The following BTAF1 variants were observed in gnomAD, a reference collection of about 807,000 sequenced individuals.
The protein encoded by BTAF1 is TATA-binding protein-associated factor 172.
In BTAF1, 38 loss-of-function variants were observed where a neutral mutation model predicts 227.1. The observed-to-expected ratio is 0.17, with a 90% confidence interval of 0.13 to 0.22. The LOEUF (loss-of-function observed/expected upper bound fraction) is 0.22, where lower values mean the gene tolerates loss of function less well. BTAF1 is among the 10% of genes least tolerant of loss of function. The probability of loss-of-function intolerance (pLI) is 1.00; values close to 1 mark genes in which losing one functional copy is unlikely to be tolerated. For synonymous variants in BTAF1, 742 were observed against 751.9 expected (o/e 0.99, Z 0.21); for missense variants, 1,598 against 2,204.0 (o/e 0.73, Z 5.51).
At chr10:91,971,553 A>G (rs1230291842) in intron 14 of BTAF1, among the ~76,000 whole-genome samples, 1 of 149,290 alleles carries the variant, frequency 6.7e-6, no homozygotes, top group Admixed American at 6.8e-5. Context: ...GCTCCCTGCA[A>G]CCGCTGCCTC....
In BTAF1 at chr10:91,984,969, T is replaced by C. The variant is rs139983607; in HGVS notation, c.2427+565T>C. Among the ~76,000 whole-genome samples, 20 of 152,280 alleles carry C rather than the reference T, an allele frequency of 1.3e-4. 1 individual carries two copies. The highest frequency in any genetic ancestry group is 4.8e-4 in the African/African-American group (20 of 41,578). On this transcript the variant is annotated intron_variant, in intron 19 of 37. Transcript: ENST00000265990. ...TACTTCAGGATTTTATATAATTAACTAAAATTCAGTATTTGTTTATTTTTT... is the reference window on the plus strand; with the variant it reads ...TACTTCAGGATTTTATATAATTAACCAAAATTCAGTATTTGTTTATTTTTT...
At chr10:91,999,062 CAAAAAAA>C (rs34831539) in intron 25 of BTAF1, among the ~76,000 whole-genome samples, 21 of 115,360 alleles carry the variant, frequency 1.8e-4, no homozygotes, top group South Asian at 7.7e-4. Context: ...GACTTCCTTT[CAAAAAAA>C]AAAAAAAAAA....
chr10:91,954,258 G>A (rs1845943634), intron 6 of BTAF1, among the ~76,000 whole-genome samples: 1 of 152,120 alleles, frequency 6.6e-6, no homozygotes. Context: ...AATCAGAGAG[G>A]TGTCTAAGGA....
chr10:91,953,984 T>C (rs924730764), intron 6 of BTAF1, 111 bp downstream of exon 6: 13 of 1,417,158 alleles, frequency 9.2e-6, no homozygotes, highest in Non-Finnish European at 1.2e-5. Context: ...TGGGGAGTAC[T>C]GTTTGGATTC....
chr10:91,978,857 G>A (rs1847888528), intron 14 of BTAF1, among the ~76,000 whole-genome samples: 1 of 125,784 alleles, frequency 8.0e-6, no homozygotes, highest in African/African-American at 2.8e-5. Context: ...TTAGGTTCAT[G>A]GGTACATGTA....
At chr10:91,927,777 A>C (rs1843956572) in intron 1 of BTAF1, among the ~76,000 whole-genome samples, 1 of 152,174 alleles carries the variant, frequency 6.6e-6, no homozygotes, top group Non-Finnish European at 1.5e-5. Flanking sequence ...ACATATACTA[A>C]TTTGTTTTTT....
intron 4 of BTAF1, among the ~76,000 whole-genome samples, chr10:91,950,947 C>T (rs1845733955): frequency 6.6e-6 from 1 of 150,750 alleles, no homozygotes; most frequent in Non-Finnish European, 1.5e-5. Flanking sequence ...CTCTCGCCTT[C>T]AGCCCCTGGA....
chr10:91,992,196 A>C lies in BTAF1; in HGVS notation c.2932A>C (p.Lys978Gln). 1 of 1,614,070 alleles carries C rather than the reference A, an allele frequency of 6.2e-7. No homozygotes were observed. Among genetic ancestry groups the C allele is most frequent in the Non-Finnish European group, 8.5e-7 (1 of 1,179,968 alleles). Residue 978 changes from lysine (K) to glutamine (Q), a missense_variant, in exon 21 of 38, where the codon AAA (lysine) becomes CAA (glutamine). Physicochemically the swap from Lys to Gln is moderately conservative, Grantham distance 53 (BLOSUM62 1). Coordinates refer to ENST00000265990, the MANE Select transcript of BTAF1 (RefSeq NM_003972.3). ...TATAATTACACTCTACAGGCACCAGAAAGCTGCCTTTGCTATCACAAGTAG... is the reference window on the plus strand; with the variant it reads ...TATAATTACACTCTACAGGCACCAGCAAGCTGCCTTTGCTATCACAAGTAG... ...RGIITLYRHQKAAFAITSRRG... is the reference protein window; with the variant it reads ...RGIITLYRHQQAAFAITSRRG...
At chr10:91,953,459 C>T (rs926595475) in intron 5 of BTAF1, among the ~76,000 whole-genome samples, 1 of 151,874 alleles carries the variant, frequency 6.6e-6, no homozygotes, top group African/African-American at 2.4e-5. Flanking sequence ...AAGGCCTTCT[C>T]TATGGGTTAG....
At chr10:91,991,797 G>GTATATATATATATATATATATATA (rs1166615338) in intron 20 of BTAF1, among the ~76,000 whole-genome samples, 3 of 10,004 alleles carry the variant, frequency 3.0e-4, no homozygotes, top group African/African-American at 5.5e-4. Flanking sequence ...GTGTGTGTGT[G>GTATATATATATATATATATATATA]TATATATATA....
intron 34 of BTAF1, 24 bp from the exon 35 acceptor site, chr10:92,024,732 G>T (rs1851366781): frequency 1.6e-6 from 2 of 1,267,282 alleles, no homozygotes; most frequent in East Asian, 2.5e-5. Context: ...CGCTTATGTA[G>T]TTTTTTTTTT....
Position 92,013,683 on chromosome 10 carries a change from T to G in BTAF1, c.4328T>G (p.Leu1443Arg). 1 of 1,614,098 alleles carries G rather than the reference T, an allele frequency of 6.2e-7. No individual in the cohort carries two copies. The highest frequency in any genetic ancestry group is 8.5e-7 in the Non-Finnish European group (1 of 1,180,020). Reference protein sequence around the residue: ...GTPIQNNVLELWSLFDFLMPG... With the variant: ...GTPIQNNVLERWSLFDFLMPG... ...TGTTTACAGAACAACGTTTTGGAGC[T>G]GTGGTCATTATTTGATTTCCTCATG... The change falls in exon 31 of 38, where the codon CTG (leucine) becomes CGG (arginine). Residue 1443 changes from leucine (L) to arginine (R), a missense_variant. Transcript: ENST00000265990.
chr10:92,008,933 A>G lies in BTAF1; in HGVS notation c.3918A>G (p.Ala1306=). Residue 1306 remains alanine, a synonymous_variant, in exon 27 of 38, where the codon GCA becomes GCG. Transcript: ENST00000265990. ...CTTTACAGTCCATCTGCATTCTAGC[A>G]GGAGATCATTGTCATAGGTAATTTA... ...GKTLQSICIL[A]GDHCHRAQEY... The G allele has an allele frequency of 6.2e-7, 1 of 1,613,772 alleles. No individual in the cohort carries two copies. Among genetic ancestry groups the G allele is most frequent in the Non-Finnish European group, 8.5e-7 (1 of 1,179,886 alleles).
At chr10:91,998,127 C>CAAAAAAAAA (rs55642022) in intron 25 of BTAF1, among the ~76,000 whole-genome samples, 1 of 99,398 alleles carries the variant, frequency 1.0e-5, no homozygotes, top group African/African-American at 3.6e-5. Context: ...GACTCCATCT[C>CAAAAAAAAA]AAAAAAAAAA....
Position 91,923,934 on chromosome 10 carries a change from C to T in BTAF1, c.-143C>T. 2.9e-6 allele frequency: 3 copies of T among 1,042,782 alleles called. No homozygotes were observed. Among genetic ancestry groups the T allele is most frequent in the South Asian group, 4.0e-5 (2 of 49,860 alleles). 64.6% of individuals were successfully genotyped at this position (1,042,782 alleles called of 1,614,324 possible). On this transcript the variant is annotated 5_prime_UTR_variant, in exon 1 of 38. Coordinates refer to ENST00000265990, the MANE Select transcript of BTAF1 (RefSeq NM_003972.3). ...AGGCGGCAGGGCAGATGCCCGAGGG[C>T]CTGCGCTGGAACGCCCCACGCCGCA... is the stretch of plus-strand genomic sequence containing the variant.
chr10:91,961,039 A>G (rs903743950), intron 11 of BTAF1, among the ~76,000 whole-genome samples: 4 of 152,214 alleles, frequency 2.6e-5, no homozygotes, highest in Non-Finnish European at 5.9e-5. Context: ...ATGAGATGCC[A>G]GTAAAACATC....
At position 92,013,689 on chromosome 10, in the gene BTAF1, C is replaced by A; in HGVS notation, c.4334C>A (p.Ser1445Ter). Residue 1445 changes from serine (S) to a stop codon, truncating the protein, a stop_gained, in exon 31 of 38, where the codon TCA (serine) becomes TAA (stop). Transcript: ENST00000265990. LOFTEE classifies it high-confidence loss of function. The part of the protein sequence containing the change: ...PIQNNVLELW[S>*]LFDFLMPGFL... ...CAGAACAACGTTTTGGAGCTGTGGT[C>A]ATTATTTGATTTCCTCATGCCAGGA... 1 of 1,613,954 alleles carries A rather than the reference C, an allele frequency of 6.2e-7. No homozygotes were observed. Among genetic ancestry groups the A allele is most frequent in the South Asian group, 1.1e-5 (1 of 91,024 alleles).
rs2134204045 is a variant in BTAF1, at chr10:92,030,518, G to C, written c.*1585G>C. ...TTCCATAAACCAGCTCTTTAACATA[G>C]CTTATAGTAATTGATATTTTCTTAG... On this transcript the variant is annotated 3_prime_UTR_variant, in exon 38 of 38. Coordinates refer to ENST00000265990, the MANE Select transcript of BTAF1 (RefSeq NM_003972.3). Among the ~76,000 whole-genome samples, 1 of 152,022 alleles carries C rather than the reference G, an allele frequency of 6.6e-6. No individual in the cohort carries two copies. Among genetic ancestry groups the C allele is most frequent in the East Asian group, 1.9e-4 (1 of 5,178 alleles).
At position 91,997,175 on chromosome 10, in the gene BTAF1, C is replaced by G. The variant is rs532583603; in HGVS notation, c.3512-428C>G. On this transcript the variant is annotated intron_variant, in intron 24 of 37. Coordinates refer to ENST00000265990, the MANE Select transcript of BTAF1 (RefSeq NM_003972.3). ...TTACAGGAGAACTGCGCTTACTAGGCTCACTATATCCTGCTGGTGATTGTC... is the reference window on the plus strand; with the variant it reads ...TTACAGGAGAACTGCGCTTACTAGGGTCACTATATCCTGCTGGTGATTGTC... 2.3e-5 allele frequency: 30 copies of G among 1,282,034 alleles called. No homozygotes were observed. In the African/African-American group the frequency reaches 4.1e-4, roughly 18 times the overall value. 79.4% of individuals were successfully genotyped at this position (1,282,034 alleles called of 1,614,324 possible).
Sources: gnomAD v4.1 joint callset for allele counts (sites outside exome capture counted in the v4.1 genomes callset) on GRCh38, gnomAD v4.1.1 for gene constraint, MANE v1.5 for transcripts, NCBI Gene and HGNC (gene_info 2026-07-23, HGNC 2026-07-21) for gene names.